PLCH1: variants seen among roughly 807,000 people sequenced by gnomAD.
PLCH1 encodes phospholipase C eta 1.
In PLCH1, 60 loss-of-function variants were observed where a neutral mutation model predicts 126.7. The observed-to-expected ratio is 0.47, with a 90% CI of 0.38 to 0.59. The LOEUF (loss-of-function observed/expected upper bound fraction) is 0.59, where lower values mean the gene tolerates loss of function less well. PLCH1 is among the 20% of genes least tolerant of loss of function. The probability of loss-of-function intolerance (pLI) is 0.00; values close to 1 mark genes in which losing one functional copy is unlikely to be tolerated. For missense variants in PLCH1, 1,723 were observed against 2,040.0 expected, an observed-to-expected ratio of 0.84 and a Z score of 2.99; for synonymous variants, 719 against 734.9, an observed-to-expected ratio of 0.98 and a Z score of 0.35.
intron 7 of PLCH1, among the ~76,000 whole-genome samples, chr3:155,566,523 C>A (rs1181990433): frequency 6.6e-6 from 1 of 151,584 alleles, no homozygotes; most frequent in Non-Finnish European, 1.5e-5. Flanking sequence ...GTACCCTGAA[C>A]AACCAGCAAT....
chr3:155,549,813 T>C lies in PLCH1; in HGVS notation c.1336A>G (p.Ser446Gly). ...TTCACTAGAATTTTGCCTTTCAAAC[T>C]TTGAGGGCTTGGAAGCTGCTTGCAC... The part of the protein sequence containing the change: ...GECKQLPSPQ[S>G]LKGKILVKGK... Residue 446 changes from serine (S) to glycine (G), a missense_variant, in exon 10 of 23, where the codon AGT (serine) becomes GGT (glycine). Around this residue, in one of 2 missense-constraint regions of PLCH1, gnomAD observed 776 missense variants for 1,062.9 expected, o/e 0.73. Coordinates refer to ENST00000460012, the MANE Select transcript of PLCH1 (RefSeq NM_014996.4). 6.2e-7 allele frequency: 1 copy of C among 1,612,974 alleles called. No individual in the cohort carries two copies. Among genetic ancestry groups the C allele is most frequent in the Non-Finnish European group, 8.5e-7 (1 of 1,179,704 alleles).
intron 21 of PLCH1, among the ~76,000 whole-genome samples, chr3:155,470,091 G>A (rs1713130300): frequency 6.6e-6 from 1 of 152,046 alleles, no homozygotes; most frequent in Non-Finnish European, 1.5e-5. Flanking sequence ...ACTTTGACGA[G>A]CTGAGAGAAG....
chr3:155,564,719 A>T (rs1728091269), intron 8 of PLCH1, among the ~76,000 whole-genome samples, 196 bp downstream of exon 8: 1 of 152,230 alleles, frequency 6.6e-6, no homozygotes, highest in Non-Finnish European at 1.5e-5. Context: ...CTGCTAACAC[A>T]GATCTCTTTC....
At chr3:155,488,234 G>T (rs1576804608) in intron 20 of PLCH1, 127 bp from the exon 21 acceptor site, 2 of 631,474 alleles carry the variant, frequency 3.2e-6, no homozygotes, top group Non-Finnish European at 5.6e-6. Context: ...GTGTTGCTCT[G>T]TTGCCCAGGC....
At chr3:155,469,751 C>G (rs536453668) in intron 21 of PLCH1, among the ~76,000 whole-genome samples, 98 of 152,000 alleles carry the variant, frequency 6.4e-4, no homozygotes, top group Admixed American at 3.5e-3. Context: ...ACTGCCTCCT[C>G]AAGTGGGTCC....
intron 1 of PLCH1, among the ~76,000 whole-genome samples, chr3:155,741,684 C>CTTTTTTTGTTTTT (rs1749637674): frequency 9.7e-6 from 1 of 102,868 alleles, no homozygotes; most frequent in African/African-American, 4.8e-5. Flanking sequence ...TTTATATCCT[C>CTTTTTTTGTTTTT]TTTTTTTTTT....
chr3:155,470,469 T>C (rs1713157688), intron 21 of PLCH1, among the ~76,000 whole-genome samples: 1 of 152,130 alleles, frequency 6.6e-6, no homozygotes, highest in South Asian at 2.1e-4. Context: ...CTGAAAGTGA[T>C]GGGGAGAATG....
intron 10 of PLCH1, among the ~76,000 whole-genome samples, chr3:155,532,840 T>C (rs1722875383): frequency 6.6e-6 from 1 of 152,222 alleles, no homozygotes; most frequent in Non-Finnish European, 1.5e-5. Context: ...AGATTGGTAC[T>C]GCAGAGAGTC....
At chr3:155,463,500 G>A (rs1476765636) in intron 21 of PLCH1, among the ~76,000 whole-genome samples, 2 of 151,924 alleles carry the variant, frequency 1.3e-5, no homozygotes, top group Non-Finnish European at 2.9e-5. Context: ...GAGGACTAAC[G>A]TAGGAGTTGG....
chr3:155,695,427 T>C (rs1745719839), intron 2 of PLCH1, among the ~76,000 whole-genome samples: 1 of 152,206 alleles, frequency 6.6e-6, no homozygotes, highest in Non-Finnish European at 1.5e-5. Flanking sequence ...GAGTTTACAG[T>C]CAGAGAACTG....
At chr3:155,461,102 A>C (rs1279969069) in intron 21 of PLCH1, among the ~76,000 whole-genome samples, 2 of 152,350 alleles carry the variant, frequency 1.3e-5, no homozygotes, top group East Asian at 3.9e-4. Context: ...TCTACTGTCT[A>C]TAATGGTATG....
intron 1 of PLCH1, among the ~76,000 whole-genome samples, chr3:155,736,741 G>A (rs529667526): frequency 6.6e-6 from 1 of 152,296 alleles, no homozygotes; most frequent in South Asian, 2.1e-4. Context: ...TATGAAGAAA[G>A]TAAGACAGAT....
At chr3:155,731,413 C>A (rs983858539) in intron 1 of PLCH1, among the ~76,000 whole-genome samples, 2 of 152,182 alleles carry the variant, frequency 1.3e-5, no homozygotes, top group African/African-American at 4.8e-5. Context: ...CTCATGGACC[C>A]AATCAACAGG....
At chr3:155,486,513 GTTTTTT>G (rs397733786) in intron 21 of PLCH1, among the ~76,000 whole-genome samples, 1 of 102,032 alleles carries the variant, frequency 9.8e-6, no homozygotes, top group Non-Finnish European at 1.9e-5. Flanking sequence ...GCTCAAGTTT[GTTTTTT>G]TTTTTTTTTT....
chr3:155,667,015 T>G (rs1199618916), intron 2 of PLCH1, among the ~76,000 whole-genome samples: 1 of 152,122 alleles, frequency 6.6e-6, no homozygotes, highest in Non-Finnish European at 1.5e-5. Context: ...TAAAGGCCTA[T>G]GTACCAAGCA....
At chr3:155,496,763 G>A (rs1168859536) in intron 15 of PLCH1, among the ~76,000 whole-genome samples, 1 of 152,176 alleles carries the variant, frequency 6.6e-6, no homozygotes, top group Admixed American at 6.5e-5. Flanking sequence ...ATGAATAGAT[G>A]TGACTAGAAT....
intron 13 of PLCH1, among the ~76,000 whole-genome samples, chr3:155,503,127 A>G (rs1288972134): frequency 1.3e-5 from 2 of 152,220 alleles, no homozygotes; most frequent in African/African-American, 4.8e-5. Context: ...TACACTGGTC[A>G]TAAGTGTGCA....
rs193094029 is a variant in PLCH1 at position 155,512,127 on chromosome 3, G to A, written c.1632+2596C>T. Among the ~76,000 whole-genome samples the A allele has an allele frequency of 5.3e-5, 8 of 151,074 alleles. No individual in the cohort carries two copies. The East Asian group carries it at 5.9e-4, about 11-fold the overall frequency. ...GTGACCCGATTTTCCAGGTGCGTCC[G>A]TCACCCCTTTCTTTGACTCGGAAAG... On this transcript the variant is annotated intron_variant, in intron 12 of 22. Transcript: ENST00000460012.
intron 2 of PLCH1, among the ~76,000 whole-genome samples, chr3:155,696,152 C>T (rs1185267906): frequency 6.6e-6 from 1 of 152,136 alleles, no homozygotes; most frequent in African/African-American, 2.4e-5. Context: ...AGGCTAGAGG[C>T]TTTAAATTAA....
Sources: allele counts gnomAD v4.1 joint callset (sites outside exome capture counted in the v4.1 genomes callset), GRCh38; gene constraint gnomAD v4.1.1; regional missense constraint gnomAD v4.1.1; transcripts MANE v1.5; gene names NCBI Gene and HGNC (gene_info 2026-07-23, HGNC 2026-07-21).